PLXND1: variants seen among roughly 807,000 people sequenced by gnomAD.
The protein encoded by PLXND1 is plexin-D1.
Under a neutral mutation model 197.7 loss-of-function variants are expected in PLXND1, and 54 were observed. That is an observed-to-expected ratio of 0.27 (90% CI 0.22 to 0.34). The LOEUF is 0.34. Among genes scored for constraint, PLXND1 ranks in the 10% least tolerant of loss-of-function variants. The pLI is 1.00. For missense variants in PLXND1, 2,127 were observed against 2,699.2 expected (o/e 0.79, Z 4.70); for synonymous variants, 1,180 against 1,161.2 (o/e 1.02, Z -0.33).
intron 8 of PLXND1, among the ~76,000 whole-genome samples, chr3:129,581,066 G>A (rs1323786507): frequency 6.6e-6 from 1 of 152,116 alleles, no homozygotes; most frequent in Non-Finnish European, 1.5e-5. Context: ...GGGACCATGA[G>A]GGACAATGGG....
chr3:129,559,455 C>T (rs2085024808), intron 32 of PLXND1, 165 bp downstream of exon 32: 1 of 594,442 alleles, frequency 1.7e-6, no homozygotes, highest in African/African-American at 1.9e-5. Context: ...GGAGGGGAAA[C>T]TGAAGCACAG....
chr3:129,560,549 C>T, intron 30 of PLXND1, 115 bp from the exon 31 acceptor site: 1 of 964,220 alleles, frequency 1.0e-6, no homozygotes, highest in Non-Finnish European at 1.6e-6. Context: ...CCTCCTGATT[C>T]TGGGCCCCAT....
intron 25 of PLXND1, among the ~76,000 whole-genome samples, chr3:129,564,839 G>T (rs74581943): frequency 0.023 from 3,475 of 152,316 alleles, 75 homozygotes; most frequent in East Asian, 0.095. Flanking sequence ...ACCACTCCTC[G>T]CCTGGCTCAC....
At chr3:129,560,929 A>T (rs2085049052) in intron 29 of PLXND1, 15 of 673,182 alleles carry the variant, frequency 2.2e-5, no homozygotes, top group South Asian at 2.1e-4. Flanking sequence ...AGATGCAGAG[A>T]CGCATGGGGA....
Position 129,583,553 on chromosome 3 carries a change from C to A in PLXND1, c.2241+14G>T, listed in dbSNP as rs1244126227. Reference sequence around the variant, plus strand: ...GAAACAGCAGAGGCGGAGGGGCCCCCTAGCCTGGCTTACCGTGGGGTTTGG... The same window carrying A: ...GAAACAGCAGAGGCGGAGGGGCCCCATAGCCTGGCTTACCGTGGGGTTTGG... On this transcript the variant is annotated intron_variant, in intron 8 of 35. Transcript: ENST00000324093. 6.3e-7 allele frequency: 1 copy of A among 1,591,520 alleles called. No individual in the cohort carries two copies. Among genetic ancestry groups the A allele is most frequent in the Non-Finnish European group, 8.6e-7 (1 of 1,161,718 alleles).
intron 8 of PLXND1, among the ~76,000 whole-genome samples, chr3:129,579,074 G>A (rs990413154): frequency 1.1e-4 from 17 of 152,154 alleles, no homozygotes; most frequent in Non-Finnish European, 2.1e-4. Flanking sequence ...CCGGGCTCAT[G>A]GGGGGACAGC....
Position 129,606,305 on chromosome 3 carries a change from G to C in PLXND1, c.335C>G (p.Ala112Gly), listed in dbSNP as rs1415454890. The change falls in exon 1 of 36, where the codon GCC becomes GGC. Residue 112 changes from alanine to glycine, a missense_variant. Around this residue, in one of 6 missense-constraint regions of PLXND1, gnomAD observed 245 missense variants for 267.1 expected, o/e 0.92. Coordinates refer to ENST00000324093, the MANE Select transcript of PLXND1 (RefSeq NM_015103.3). ...GAGGCGCCGCGGGTGCTCGCACGAG[G>C]CCTGCGGCAGCTGCGGAGCGTGACA... ...PLCHAPQLPQ[A>G]SCEHPRRLTD... The C allele has an allele frequency of 2.6e-6, 4 of 1,518,828 alleles. No homozygotes were observed. Among genetic ancestry groups the C allele is most frequent in the Non-Finnish European group, 3.5e-6 (4 of 1,139,132 alleles). 94.1% of individuals were successfully genotyped at this position (1,518,828 alleles called of 1,614,324 possible).
At chr3:129,572,790 C>A in intron 14 of PLXND1, 42 bp from the exon 15 acceptor site, 1 of 1,610,780 alleles carries the variant, frequency 6.2e-7, no homozygotes, top group South Asian at 1.1e-5. Flanking sequence ...GGCCAGCCCC[C>A]GGGAGTGTGC....
chr3:129,588,586 C>T (rs887878991), intron 2 of PLXND1, among the ~76,000 whole-genome samples: 19 of 152,384 alleles, frequency 1.2e-4, no homozygotes, highest in African/African-American at 4.1e-4. Flanking sequence ...CAGCCCACAG[C>T]GTCTGCCCAG....
At chr3:129,573,311 G>A (rs912563990) in intron 13 of PLXND1, among the ~76,000 whole-genome samples, 1 of 151,942 alleles carries the variant, frequency 6.6e-6, no homozygotes, top group East Asian at 1.9e-4. Context: ...ATTTTCCTCA[G>A]AGCAAGGCTT....
chr3:129,578,230 C>T (rs2085340428), intron 9 of PLXND1, 99 bp downstream of exon 9: 2 of 767,096 alleles, frequency 2.6e-6, no homozygotes, highest in Non-Finnish European at 4.6e-6. Context: ...GCAGTGGGCC[C>T]AGAGCAGGGG....
In PLXND1 at chr3:129,605,423, G is replaced by C. The variant is rs1157538964; in HGVS notation, c.1217C>G (p.Ala406Gly). Residue 406 changes from alanine (A) to glycine (G), a missense_variant, in exon 1 of 36, where the codon GCC becomes GGC. This residue lies in a region of PLXND1 where 1,095 missense variants were observed against 1,259.8 expected (regional missense o/e 0.87). Coordinates refer to ENST00000324093, the MANE Select transcript of PLXND1 (RefSeq NM_015103.3). ...GTCGGGCGCCGGTTCCACGAAGCAG[G>C]CGGTGCGCGCAGCTCGGATGGCGGC... The part of the protein sequence containing the change: ...VRAAIRAART[A>G]CFVEPAPDVV... 6.7e-7 allele frequency: 1 copy of C among 1,501,470 alleles called. No individual in the cohort carries two copies. Among genetic ancestry groups the C allele is most frequent in the Non-Finnish European group, 8.8e-7 (1 of 1,132,884 alleles). The allele number at this position is 1,501,470 out of a possible 1,614,324, so 93.0% of individuals were successfully genotyped here.
In PLXND1 at chr3:129,557,244, G is replaced by T. The variant is rs746571864; in HGVS notation, c.5446-21C>A. The stretch of plus-strand genomic sequence containing the variant: ...GAATCCTGGGCAGAGAAGAGCGAGG[G>T]TGTTAGATGGCTGCTGGAGAAAGGA... On this transcript the variant is annotated intron_variant, in intron 33 of 35. Transcript: ENST00000324093. The surrounding 1 kb of genome is among the most constrained non-coding windows in gnomAD (Gnocchi z 4.8). The T allele has an allele frequency of 4.5e-5, 72 of 1,613,656 alleles. No homozygotes were observed. The highest frequency in any genetic ancestry group is 4.2e-6 in the Non-Finnish European group (5 of 1,179,844).
rs547266326 is a variant in PLXND1 at position 129,560,620 on chromosome 3, G to A, written c.5028+69C>T. ...GGGAGCACTTTTCCCAAGAGGCCCA[G>A]GGCCACAGAAAGCCAAGGCCACACC... On this transcript the variant is annotated intron_variant, in intron 30 of 35. Transcript: ENST00000324093. 1.6e-5 allele frequency: 20 copies of A among 1,250,558 alleles called. No homozygotes were observed. In the African/African-American group the frequency reaches 2.7e-4, roughly 17 times the overall value. 77.5% of individuals were successfully genotyped at this position (1,250,558 alleles called of 1,614,324 possible). A position where few individuals can be genotyped will look rare whatever the true frequency, so the allele number is the denominator to read the frequency against.
chr3:129,568,424 C>T (rs2085174501), intron 20 of PLXND1, among the ~76,000 whole-genome samples: 1 of 152,110 alleles, frequency 6.6e-6, no homozygotes, highest in Admixed American at 6.5e-5. Flanking sequence ...CTTTTATCAT[C>T]TTTCAGTTTT....
At chr3:129,560,481 G>C in intron 30 of PLXND1, 47 bp from the exon 31 acceptor site, 1 of 1,331,504 alleles carries the variant, frequency 7.5e-7, no homozygotes, top group South Asian at 1.2e-5. Flanking sequence ...CCCCATCCTC[G>C]GCCGCCTGTG....
chr3:129,605,481 C>T lies in PLXND1; in HGVS notation c.1159G>A (p.Ala387Thr), dbSNP rs1186756832. Residue 387 changes from alanine (A) to threonine (T), a missense_variant, in exon 1 of 36, where the codon GCA becomes ACA. Transcript: ENST00000324093. ...TCGGCGAAGCGGAAGGCGCAGAGTG[C>T]GGCCGGAGCAGCGCGGGCCGCGGGG... is the stretch of plus-strand genomic sequence containing the variant. ...GSPAARAAPA[A>T]LCAFRFADVR... The T allele has an allele frequency of 2.0e-6, 3 of 1,496,236 alleles. No homozygotes were observed. The South Asian group carries it at 3.8e-5, about 19-fold the overall frequency. The allele number at this position is 1,496,236 out of a possible 1,614,324, so 92.7% of individuals were successfully genotyped here.
chr3:129,575,071 T>A (rs1459441263), intron 11 of PLXND1, among the ~76,000 whole-genome samples: 2 of 152,104 alleles, frequency 1.3e-5, no homozygotes, highest in Admixed American at 6.6e-5. Context: ...AGACTCCCCA[T>A]GAACAGAGGA....
rs767369760 is a variant in PLXND1 at position 129,606,424 on chromosome 3, G to A, written c.216C>T (p.Tyr72=). The A allele has an allele frequency of 1.4e-6, 2 of 1,480,206 alleles. No homozygotes were observed. The highest frequency in any genetic ancestry group is 1.8e-6 in the Non-Finnish European group (2 of 1,120,850). The allele number at this position is 1,480,206 out of a possible 1,614,324, so 91.7% of individuals were successfully genotyped here. A position where few individuals can be genotyped will look rare whatever the true frequency, so the allele number is the denominator to read the frequency against. ...FALDGAAGTV[Y]LAAVNRLYQL... is the part of the protein sequence containing the mutation. ...GATAGAGGCGGTTGACGGCCGCCAG[G>A]TACACGGTCCCCGCCGCGCCGTCCA... is the stretch of plus-strand genomic sequence containing the variant. The change falls in exon 1 of 36, where the codon TAC becomes TAT. Residue 72 remains tyrosine, a synonymous_variant. Transcript: ENST00000324093.
Sources: allele counts gnomAD v4.1 joint callset (sites outside exome capture counted in the v4.1 genomes callset), GRCh38; gene constraint gnomAD v4.1.1; regional missense constraint gnomAD v4.1.1; non-coding constraint Gnocchi (gnomAD v3.1); transcripts MANE v1.5; gene names NCBI Gene and HGNC (gene_info 2026-07-23, HGNC 2026-07-21).